KCNMB2: variants seen among roughly 807,000 people sequenced by gnomAD.
KCNMB2 encodes calcium-activated potassium channel subunit beta-2.
Under a neutral mutation model 24.5 loss-of-function variants are expected in KCNMB2, and 9 were observed. The ratio of observed to expected loss-of-function variants is 0.37; its 90% CI spans 0.22 to 0.64. The LOEUF (loss-of-function observed/expected upper bound fraction) is 0.64. KCNMB2 is among the 30% of genes least tolerant of loss of function. The pLI, the probability that KCNMB2 is intolerant of heterozygous loss-of-function variation, is 0.63. For missense variants in KCNMB2, 226 were observed against 284.3 expected, an observed-to-expected ratio of 0.79 and a Z score of 1.47; for synonymous variants, 109 against 104.4, an observed-to-expected ratio of 1.04 and a Z score of -0.27.
chr3:178,659,506 A>G (rs1720453026), intron 1 of KCNMB2, among the ~76,000 whole-genome samples: 1 of 152,236 alleles, frequency 6.6e-6, no homozygotes, highest in Non-Finnish European at 1.5e-5. Flanking sequence ...TATCCATGAT[A>G]TATTTTCTGG....
At chr3:178,733,506 A>G (rs1368949089) in intron 1 of KCNMB2, among the ~76,000 whole-genome samples, 1 of 152,104 alleles carries the variant, frequency 6.6e-6, no homozygotes, top group Non-Finnish European at 1.5e-5. Context: ...TTTGAGACAG[A>G]GTCTCGCTCC....
intron 1 of KCNMB2, among the ~76,000 whole-genome samples, chr3:178,614,122 AT>A (rs1055573702): frequency 1.4e-5 from 2 of 145,746 alleles, no homozygotes; most frequent in Non-Finnish European, 3.0e-5. Flanking sequence ...TGCCGATAGC[AT>A]TTTTCAACTC....
At chr3:178,558,995 C>T (rs1474908635) in intron 1 of KCNMB2, 1 of 152,148 alleles carries the variant, frequency 6.6e-6, no homozygotes, top group Admixed American at 6.5e-5. Context: ...GTAAGCTGGA[C>T]TCACCCAAAG....
chr3:178,711,323 T>C (rs1000691967), intron 1 of KCNMB2, among the ~76,000 whole-genome samples: 3 of 152,178 alleles, frequency 2.0e-5, no homozygotes, highest in Non-Finnish European at 4.4e-5. Flanking sequence ...CTTAATATTG[T>C]GCCTGGCATT....
intron 1 of KCNMB2, among the ~76,000 whole-genome samples, chr3:178,717,477 T>C (rs1228527907): frequency 6.6e-6 from 1 of 152,038 alleles, no homozygotes; most frequent in Admixed American, 6.6e-5. Context: ...GCAACCTCAG[T>C]ATAGGATGCT....
intron 1 of KCNMB2, among the ~76,000 whole-genome samples, chr3:178,549,492 T>C (rs1019150985): frequency 1.4e-5 from 2 of 143,444 alleles, no homozygotes; most frequent in African/African-American, 5.2e-5. Flanking sequence ...TTTTTTTTTT[T>C]TTTTTTGTAT....
In KCNMB2 at chr3:178,756,053, C is replaced by T. The variant is rs150287028; in HGVS notation, c.-67-51290C>T. 9.0e-3 allele frequency among the ~76,000 whole-genome samples: 1,374 copies of T among 151,944 alleles called. 21 individuals are homozygous for T. Among genetic ancestry groups the T allele is most frequent in the African/African-American group, 0.031 (1,279 of 41,418 alleles). ...TATTCATAAAATGAAATAAATGTCA[C>T]GCAGCCATTAAAAATCATGTGACAA... is the stretch of plus-strand genomic sequence containing the variant. On this transcript the variant is annotated intron_variant, in intron 1 of 4. Transcript: ENST00000452583.
intron 4 of KCNMB2, among the ~76,000 whole-genome samples, chr3:178,833,039 TCATCTTTTC>T: frequency 8.7e-5 from 2 of 23,094 alleles, no homozygotes; most frequent in East Asian, 3.3e-4. Context: ...TGTTACAATG[TCATCTTTTC>T]CAAAAATTAT....
intron 1 of KCNMB2, among the ~76,000 whole-genome samples, chr3:178,778,456 A>ACACACACGCACGCACGTGCG (rs1491117300): frequency 3.2e-4 from 2 of 6,300 alleles, no homozygotes; most frequent in East Asian, 0.011. Context: ...ACCCTTTAAG[A>ACACACACGCACGCACGTGCG]CACACACACA....
chr3:178,744,101 C>T (rs1307248212), intron 1 of KCNMB2, among the ~76,000 whole-genome samples: 2 of 152,124 alleles, frequency 1.3e-5, no homozygotes, highest in African/African-American at 2.4e-5. Context: ...AGACTGTGAG[C>T]TCTTTGAAAT....
In KCNMB2 at chr3:178,843,137, TG is replaced by T; in HGVS notation, c.*201del. ...TTCAGGAGAATAAATAACTGTTTTG[TG>T]TTGGTTGGTGGTTTTCATAATCTTA... is the stretch of plus-strand genomic sequence containing the variant. On this transcript the variant is annotated 3_prime_UTR_variant, in exon 5 of 5. Coordinates refer to ENST00000452583, the MANE Select transcript of KCNMB2 (RefSeq NM_181361.3). The T allele has an allele frequency of 1.5e-6, 1 of 656,912 alleles. No individual in the cohort carries two copies. The allele number at this position is 656,912 out of a possible 1,614,324, so 40.7% of individuals were successfully genotyped here.
intron 1 of KCNMB2, among the ~76,000 whole-genome samples, chr3:178,654,095 A>G (rs1720233822): frequency 6.6e-6 from 1 of 152,104 alleles, no homozygotes; most frequent in African/African-American, 2.4e-5. Flanking sequence ...CAGTTCCAGA[A>G]ATTTGTCCAT....
intron 1 of KCNMB2, among the ~76,000 whole-genome samples, chr3:178,596,536 C>T (rs532739347): frequency 5.3e-4 from 81 of 152,214 alleles, no homozygotes; most frequent in African/African-American, 1.7e-3. Flanking sequence ...CTCATCATGA[C>T]CCTTTGCTAC....
chr3:178,676,714 C>T (rs1228156612), intron 1 of KCNMB2, among the ~76,000 whole-genome samples: 4 of 152,164 alleles, frequency 2.6e-5, no homozygotes. Flanking sequence ...GTCTTTATAG[C>T]CTGGCACACG....
intron 2 of KCNMB2, among the ~76,000 whole-genome samples, chr3:178,810,902 CTTT>C (rs56925343): frequency 8.2e-4 from 89 of 107,988 alleles, no homozygotes; most frequent in East Asian, 3.2e-3. Flanking sequence ...ACCTGGCTAA[CTTT>C]TTTTTTTTTT....
intron 4 of KCNMB2, among the ~76,000 whole-genome samples, chr3:178,831,161 A>G (rs1399502433): frequency 6.6e-6 from 1 of 152,082 alleles, no homozygotes. Flanking sequence ...TTTTGAAGAG[A>G]TCACACTTTT....
chr3:178,715,627 G>A (rs1396212849), intron 1 of KCNMB2, among the ~76,000 whole-genome samples: 2 of 152,078 alleles, frequency 1.3e-5, no homozygotes, highest in Non-Finnish European at 2.9e-5. Context: ...AGCATATCTG[G>A]AAACCACACC....
chr3:178,627,000 C>A (rs921392243), intron 1 of KCNMB2, among the ~76,000 whole-genome samples: 2 of 151,060 alleles, frequency 1.3e-5, no homozygotes, highest in African/African-American at 4.9e-5. Context: ...ATGGCAAAAT[C>A]CAAGGTTATA....
intron 1 of KCNMB2, among the ~76,000 whole-genome samples, chr3:178,613,157 G>A (rs1290710720): frequency 6.6e-6 from 1 of 152,070 alleles, no homozygotes; most frequent in East Asian, 1.9e-4. Flanking sequence ...CGGCACTTTG[G>A]GTGGCCAAGG....
Sources: allele counts gnomAD v4.1 joint callset (sites outside exome capture counted in the v4.1 genomes callset), GRCh38; gene constraint gnomAD v4.1.1; transcripts MANE v1.5; gene names NCBI Gene and HGNC (gene_info 2026-07-23, HGNC 2026-07-21).